Variants in CTRB1 observed in about 807,000 individuals in gnomAD.
The protein encoded by CTRB1 is chymotrypsinogen B.
CTRB1 carries 15 observed loss-of-function variants against 20.4 expected under a neutral mutation model. That is an observed-to-expected ratio of 0.74 (90% confidence interval 0.49 to 1.13). CTRB1 has a LOEUF of 1.13. Among genes scored for constraint, CTRB1 ranks in the 50% most tolerant of loss-of-function variants. The pLI is 0.00. For missense variants in CTRB1, 227 were observed against 290.1 expected, an observed-to-expected ratio of 0.78 and a Z score of 1.58; for synonymous variants, 92 against 128.4, an observed-to-expected ratio of 0.72 and a Z score of 1.92.
chr16:75,220,333 A>G (rs1272754891), intron 1 of CTRB1, among the ~76,000 whole-genome samples: 1 of 151,920 alleles, frequency 6.6e-6, no homozygotes, highest in Admixed American at 6.6e-5. Context: ...ACAGGCATGC[A>G]TCACCACACC....
rs199716713 is a variant in CTRB1 at position 75,219,003 on chromosome 16, G to A, written c.-5G>A. ...GGCAGGCCCCACACCTTCTGAGGCA[G>A]CGGCATGGCTTCCCTCTGGCTCCTC... On this transcript the variant is annotated 5_prime_UTR_variant, in exon 1 of 7. Coordinates refer to ENST00000361017, the MANE Select transcript of CTRB1 (RefSeq NM_001906.6). The A allele has an allele frequency of 4.5e-5, 71 of 1,584,026 alleles. No individual in the cohort carries two copies. The East Asian group carries it at 1.4e-3, about 31-fold the overall frequency.
intron 1 of CTRB1, among the ~76,000 whole-genome samples, chr16:75,219,984 T>A (rs2039058432): frequency 1.1e-5 from 1 of 94,882 alleles, no homozygotes; most frequent in South Asian, 3.2e-4. Context: ...TATCCTGTTT[T>A]TGGTTTTGGT....
At chr16:75,224,483 T>C (rs554972474) in intron 6 of CTRB1, among the ~76,000 whole-genome samples, 4 of 152,338 alleles carry the variant, frequency 2.6e-5, no homozygotes, top group Non-Finnish European at 5.9e-5. Flanking sequence ...CCAGCTTTAC[T>C]GAGCTGCCAT....
At chr16:75,222,653 G>C (rs1460284957) in intron 1 of CTRB1, 115 bp from the exon 2 acceptor site, 17 of 1,163,894 alleles carry the variant, frequency 1.5e-5, no homozygotes, top group Non-Finnish European at 2.0e-5. Context: ...CATGTGCCAG[G>C]GAGGTCCTGA....
At chr16:75,222,681 G>A (rs1448345621) in intron 1 of CTRB1, 87 bp from the exon 2 acceptor site, 21 of 1,417,728 alleles carry the variant, frequency 1.5e-5, no homozygotes, top group Non-Finnish European at 1.9e-5. Context: ...TCAGTGGACT[G>A]GGGTAGAACC....
rs369217858 is a variant in CTRB1, at chr16:75,222,602, G to T, written c.53-166G>T. On this transcript the variant is annotated intron_variant, in intron 1 of 6. Coordinates refer to ENST00000361017, the MANE Select transcript of CTRB1 (RefSeq NM_001906.6). The stretch of plus-strand genomic sequence containing the variant: ...AGCCAGCAGGCCGAGAGTTGGGAAC[G>T]TTTGAGCCTAGAGACTTGGGGACCA... The T allele has an allele frequency of 3.9e-5, 28 of 708,956 alleles. No individual in the cohort carries two copies. The East Asian group carries it at 7.4e-4, about 19-fold the overall frequency. 43.9% of individuals were successfully genotyped at this position (708,956 alleles called of 1,614,324 possible).
intron 1 of CTRB1, 125 bp downstream of exon 1, chr16:75,219,184 A>T: frequency 1.0e-6 from 1 of 987,408 alleles, no homozygotes; most frequent in Non-Finnish European, 1.5e-6. Flanking sequence ...AGGGCTCAGG[A>T]GAGGGTGCAT....
chr16:75,222,697 A>T, intron 1 of CTRB1, 71 bp from the exon 2 acceptor site: 1 of 1,479,888 alleles, frequency 6.8e-7, no homozygotes, highest in Admixed American at 2.1e-5. Flanking sequence ...GAACCGGGAG[A>T]GCTGCACGCA....
At chr16:75,224,499 G>A (rs2076718498) in intron 6 of CTRB1, among the ~76,000 whole-genome samples, 3 of 152,222 alleles carry the variant, frequency 2.0e-5, no homozygotes, top group Admixed American at 2.0e-4. Context: ...GCCATTAAAG[G>A]GTCCCATTCC....
Position 75,224,868 on chromosome 16 carries a change from C to A in CTRB1, c.*2C>A. On this transcript the variant is annotated 3_prime_UTR_variant, in exon 7 of 7. Transcript: ENST00000361017. ...CAGAAGATCCTGGCTGCCAACTGAGCCCGCGGCTCCCTCCGACCCTGCTCC... is the reference window on the plus strand; with the variant it reads ...CAGAAGATCCTGGCTGCCAACTGAGACCGCGGCTCCCTCCGACCCTGCTCC... 1 of 1,613,546 alleles carries A rather than the reference C, an allele frequency of 6.2e-7. No individual in the cohort carries two copies. Among genetic ancestry groups the A allele is most frequent in the Non-Finnish European group, 8.5e-7 (1 of 1,180,006 alleles).
intron 1 of CTRB1, among the ~76,000 whole-genome samples, chr16:75,220,717 C>T (rs528223022): frequency 4.1e-4 from 63 of 152,066 alleles, no homozygotes; most frequent in Admixed American, 2.2e-3. Context: ...TTTTATAATG[C>T]GTGCTCTGTT....
intron 1 of CTRB1, among the ~76,000 whole-genome samples, chr16:75,222,132 G>A (rs2039095181): frequency 6.7e-6 from 1 of 148,646 alleles, no homozygotes; most frequent in Non-Finnish European, 1.5e-5. Context: ...CGGCACTCCA[G>A]CCAGGGTGAC....
chr16:75,222,314 T>C (rs1439776397), intron 1 of CTRB1, among the ~76,000 whole-genome samples: 1 of 152,146 alleles, frequency 6.6e-6, no homozygotes, highest in Non-Finnish European at 1.5e-5. Flanking sequence ...TATCAGATTT[T>C]CTTCCCACTT....
rs372989485 is a variant in CTRB1, at chr16:75,222,775, G to A, written c.60G>A (p.Gly20=). The change falls in exon 2 of 7, where the codon GGG becomes GGA. Residue 20 remains glycine, a synonymous_variant. Coordinates refer to ENST00000361017, the MANE Select transcript of CTRB1 (RefSeq NM_001906.6). ...CACCCCACTCCCCCCCAGGCTGCGG[G>A]GTCCCCGCCATCCACCCTGTGCTCA... ...FSLVGAAFGC[G]VPAIHPVLSG... 6.4e-7 allele frequency: 1 copy of A among 1,556,762 alleles called. No individual in the cohort carries two copies. The highest frequency in any genetic ancestry group is 2.4e-5 in the East Asian group (1 of 41,568).
chr16:75,219,109 C>G, intron 1 of CTRB1, 50 bp downstream of exon 1: 1 of 1,543,596 alleles, frequency 6.5e-7, no homozygotes, highest in Non-Finnish European at 8.8e-7. Flanking sequence ...CTGAGCCTGG[C>G]TGAGAGGGGG....
chr16:75,220,857 C>T (rs1347190550), intron 1 of CTRB1, among the ~76,000 whole-genome samples: 4 of 152,096 alleles, frequency 2.6e-5, no homozygotes, highest in East Asian at 1.9e-4. Flanking sequence ...CTCCCAGGTT[C>T]AAGCATTTCT....
chr16:75,222,656 G>A (rs2076702833), intron 1 of CTRB1, 112 bp from the exon 2 acceptor site: 1 of 1,187,680 alleles, frequency 8.4e-7, no homozygotes, highest in South Asian at 1.6e-5. Flanking sequence ...GTGCCAGGGA[G>A]GTCCTGAGCT....
chr16:75,221,607 C>T (rs540194076), intron 1 of CTRB1, among the ~76,000 whole-genome samples: 23 of 152,016 alleles, frequency 1.5e-4, no homozygotes, highest in Admixed American at 1.3e-3. Context: ...TGATCCACCC[C>T]GCTTGGCCTC....
In CTRB1 at chr16:75,224,805, G is replaced by C. The variant is rs1353436475; in HGVS notation, c.731G>C (p.Gly244Ala). ...GACACCTGCTCCACCTCCAGCCCTG[G>C]CGTGTACGCCCGTGTCACCAAGCTC... ...GSDTCSTSSP[G>A]VYARVTKLIP... Residue 244 changes from glycine (G) to alanine (A), a missense_variant, in exon 7 of 7, where the codon GGC becomes GCC. Physicochemically the swap from Gly to Ala is moderately conservative, Grantham distance 60 (BLOSUM62 0). Coordinates refer to ENST00000361017, the MANE Select transcript of CTRB1 (RefSeq NM_001906.6). 6.2e-7 allele frequency: 1 copy of C among 1,613,918 alleles called. No homozygotes were observed. The highest frequency in any genetic ancestry group is 1.7e-5 in the Admixed American group (1 of 59,998).
Sources: allele counts gnomAD v4.1 joint callset (sites outside exome capture counted in the v4.1 genomes callset), GRCh38; gene constraint gnomAD v4.1.1; transcripts MANE v1.5; gene names NCBI Gene and HGNC (gene_info 2026-07-23, HGNC 2026-07-21).